FAN1: variants seen among roughly 807,000 people sequenced by gnomAD.
FAN1 encodes fanconi-associated nuclease 1.
Under a neutral mutation model 104.9 loss-of-function variants are expected in FAN1, and 91 were observed. The observed-to-expected ratio is 0.87, with a 90% CI of 0.73 to 1.03. The LOEUF is 1.03. Ranked by LOEUF, FAN1 falls within the 50% of genes least tolerant of loss-of-function variation. FAN1 has a pLI of 0.00. For missense variants in FAN1, 1,263 were observed against 1,239.9 expected (o/e 1.02, Z -0.28); for synonymous variants, 478 against 457.6 (o/e 1.04, Z -0.57).
In FAN1 at chr15:30,929,601, CAT is replaced by C. The variant is rs546821376; in HGVS notation, c.2787+207_2787+208del. 0.018 allele frequency among the ~76,000 whole-genome samples: 2,230 copies of C among 122,760 alleles called. 141 individuals are homozygous for C. Among genetic ancestry groups the C allele is most frequent in the African/African-American group, 0.07 (2,139 of 30,766 alleles). 80.5% of individuals were successfully genotyped at this position (122,760 alleles called of 152,430 possible). On this transcript the variant is annotated intron_variant, in intron 12 of 14. Coordinates refer to ENST00000362065, the MANE Select transcript of FAN1 (RefSeq NM_014967.5). ...TTATTATATTATATATTATATATTA[CAT>C]ATTACATATATAATATATATTATAT... is the stretch of plus-strand genomic sequence containing the variant.
At chr15:30,939,742 A>G (rs1411748753) in intron 14 of FAN1, 2 of 984,402 alleles carry the variant, frequency 2.0e-6, no homozygotes, top group African/African-American at 1.7e-5. Context: ...GCTAAATGAA[A>G]AAGGGAGAAT....
intron 10 of FAN1, chr15:30,928,154 G>T: frequency 9.9e-7 from 1 of 1,011,824 alleles, no homozygotes; most frequent in Non-Finnish European, 1.2e-6. Context: ...AGGGACCTCC[G>T]GCATCAGGGC....
At chr15:30,928,528 G>GTGTGTGTA in intron 10 of FAN1, 25 bp from the exon 11 acceptor site, 1 of 1,611,856 alleles carries the variant, frequency 6.2e-7, no homozygotes, top group East Asian at 2.2e-5. Flanking sequence ...GTGTGTGTGT[G>GTGTGTGTA]TGTGTGTGTG....
intron 4 of FAN1, among the ~76,000 whole-genome samples, chr15:30,912,804 A>G (rs2062126100): frequency 6.6e-6 from 1 of 152,304 alleles, no homozygotes; most frequent in Non-Finnish European, 1.5e-5. Flanking sequence ...ACTGCTGAGC[A>G]TCCTATAATT....
intron 14 of FAN1, chr15:30,941,161 CA>C (rs2063034752): frequency 7.6e-7 from 1 of 1,309,966 alleles, no homozygotes; most frequent in African/African-American, 1.5e-5. Context: ...GACTGACTAT[CA>C]GATAGCCTTC....
intron 14 of FAN1, among the ~76,000 whole-genome samples, chr15:30,937,939 T>C (rs1285556160): frequency 6.6e-6 from 1 of 150,992 alleles, no homozygotes; most frequent in African/African-American, 2.4e-5. Flanking sequence ...CCCAGCACTT[T>C]GGGAGGCTGA....
Position 30,941,625 on chromosome 15 carries a change from C to A in FAN1, c.*63C>A. ...AGAAACTCCGGTGTCCCCGAGGTGT[C>A]GGTGTGGTGAGGGCCGCTGGCGTTG... On this transcript the variant is annotated 3_prime_UTR_variant, in exon 15 of 15. Coordinates refer to ENST00000362065, the MANE Select transcript of FAN1 (RefSeq NM_014967.5). The A allele has an allele frequency of 6.2e-7, 1 of 1,605,476 alleles. No individual in the cohort carries two copies.
rs1224945439 is a variant in FAN1 at position 30,937,218 on chromosome 15, G to A, written c.3016G>A (p.Val1006Met). Residue 1006 changes from valine (V) to methionine (M), a missense_variant, in exon 14 of 15, where the codon GTG becomes ATG. Val to Met is a conservative substitution (Grantham distance 21, BLOSUM62 1). Transcript: ENST00000362065. ...GGGGGCTGAAGTAGAAGTCTGCCAT[G>A]TGGTTGCAGTTGGAGCTAAGAGCCA... ...KLGAEVEVCHVVAVGAKSQSL... is the reference protein window; with the variant it reads ...KLGAEVEVCHMVAVGAKSQSL... 10 of 1,614,038 alleles carry A rather than the reference G, an allele frequency of 6.2e-6. No homozygotes were observed. Among genetic ancestry groups the A allele is most frequent in the Admixed American group, 1.7e-5 (1 of 60,000 alleles).
chr15:30,925,696 G>A, intron 9 of FAN1, 93 bp from the exon 10 acceptor site: 1 of 1,393,170 alleles, frequency 7.2e-7, no homozygotes, highest in Non-Finnish European at 1.0e-6. Flanking sequence ...TGACTTTGTG[G>A]TAAGGGAGGT....
rs111314255 is a variant in FAN1, at chr15:30,929,325, G to A, written c.2715G>A (p.Thr905=). Residue 905 remains threonine (T), a synonymous_variant, in exon 12 of 15, where the codon ACG becomes ACA. Coordinates refer to ENST00000362065, the MANE Select transcript of FAN1 (RefSeq NM_014967.5). The part of the protein sequence containing the change: ...EESLRAWVAA[T]WHEQEGRVAS... ...GCCTGCGGGCCTGGGTGGCAGCCAC[G>A]TGGCATGAGCAGGAAGGCAGAGTGG... The A allele has an allele frequency of 9.7e-5, 157 of 1,612,248 alleles. 5 individuals carry two copies. The highest frequency in any genetic ancestry group is 7.5e-4 in the African/African-American group (56 of 74,830).
intron 14 of FAN1, chr15:30,940,628 C>T (rs2063014078): frequency 1.0e-6 from 1 of 985,806 alleles, no homozygotes; most frequent in Non-Finnish European, 1.2e-6. Flanking sequence ...CTGTCTACAG[C>T]ATACACCTCT....
rs781053508 is a variant in FAN1 at position 30,929,250 on chromosome 15, C to T, written c.2640C>T (p.Arg880=). 1.2e-6 allele frequency: 2 copies of T among 1,613,592 alleles called. No homozygotes were observed. Among genetic ancestry groups the T allele is most frequent in the South Asian group, 2.2e-5 (2 of 90,994 alleles). The change falls in exon 12 of 15, where the codon CGC becomes CGT. Residue 880 remains arginine, a synonymous_variant. Transcript: ENST00000362065. ...LCTDSFFTSR[R]PALEARLQLI... ...CAGACAGCTTCTTCACAAGCAGACG[C>T]CCAGCCCTTGAGGCCAGGCTGCAGC...
chr15:30,925,196 C>T lies in FAN1; in HGVS notation c.2242C>T (p.Gln748Ter), dbSNP rs1201533269. The change falls in exon 9 of 15, where the codon CAG (glutamine) becomes TAG (stop). Residue 748 changes from glutamine (Q) to a stop codon, truncating the protein, a stop_gained. Coordinates refer to ENST00000362065, the MANE Select transcript of FAN1 (RefSeq NM_014967.5). LOFTEE classifies it high-confidence loss of function. ...VRTGHRLSLY[Q>*]RAVRLRESPS... Reference sequence around the variant, plus strand: ...AACGGGACACCGCCTTTCACTGTATCAGCGAGCCGTGCGCCTGCGAGAGTC... The same window carrying T: ...AACGGGACACCGCCTTTCACTGTATTAGCGAGCCGTGCGCCTGCGAGAGTC... 6.2e-7 allele frequency: 1 copy of T among 1,614,070 alleles called. No individual in the cohort carries two copies.
Position 30,941,903 on chromosome 15 carries a change from C to T in FAN1, c.*341C>T. The T allele has an allele frequency of 6.2e-7, 1 of 1,613,980 alleles. No individual in the cohort carries two copies. The highest frequency in any genetic ancestry group is 8.5e-7 in the Non-Finnish European group (1 of 1,179,872). On this transcript the variant is annotated 3_prime_UTR_variant, in exon 15 of 15. Transcript: ENST00000362065. Reference sequence around the variant, plus strand: ...GTGCAGGTTGGCGGGTTTGGAAAACCATTCTCTAAAATACTGCTCCGTATC... The same window carrying T: ...GTGCAGGTTGGCGGGTTTGGAAAACTATTCTCTAAAATACTGCTCCGTATC...
chr15:30,922,437 T>C, intron 8 of FAN1, 83 bp downstream of exon 8: 2 of 1,338,046 alleles, frequency 1.5e-6, no homozygotes, highest in Non-Finnish European at 1.0e-6. Flanking sequence ...TGCCTTAAAA[T>C]TTACATGTAA....
Position 30,905,111 on chromosome 15 carries a change from ATTTG to A in FAN1, c.453_456del (p.Cys151TrpfsTer4), listed in dbSNP as rs769331146. ...GCTGAGAAATCGTAGTGTGAAAGTC[ATTTG>A]TTTGGGAAGCCTAGCATCTAAATTG... On this transcript the variant is annotated frameshift_variant, in exon 2 of 15. Coordinates refer to ENST00000362065, the MANE Select transcript of FAN1 (RefSeq NM_014967.5). LOFTEE classifies it high-confidence loss of function. 3.1e-6 allele frequency: 5 copies of A among 1,614,098 alleles called. No homozygotes were observed. Among genetic ancestry groups the A allele is most frequent in the East Asian group, 4.5e-5 (2 of 44,884 alleles).
rs1175818904 is a variant in FAN1, at chr15:30,907,987, G to T, written c.1235-131G>T. On this transcript the variant is annotated intron_variant, in intron 2 of 14. Coordinates refer to ENST00000362065, the MANE Select transcript of FAN1 (RefSeq NM_014967.5). ...AAATTTTTAAATGTACTTTCAAAAT[G>T]GTTTATTCCATAAAATGAAGGCCTT... is the stretch of plus-strand genomic sequence containing the variant. The T allele has an allele frequency of 1.7e-5, 10 of 581,004 alleles. No homozygotes were observed. The East Asian group carries it at 3.3e-4, about 19-fold the overall frequency. The allele number at this position is 581,004 out of a possible 1,614,324, so 36.0% of individuals were successfully genotyped here. A position where few individuals can be genotyped will look rare whatever the true frequency, so the allele number is the denominator to read the frequency against.
In FAN1 at chr15:30,929,613, A is replaced by G. The variant is rs1288125458; in HGVS notation, c.2787+216A>G. ...ATATTATATATTACATATTACATAT[A>G]TAATATATATTATATATTATACAAT... On this transcript the variant is annotated intron_variant, in intron 12 of 14. Transcript: ENST00000362065. Among the ~76,000 whole-genome samples the G allele has an allele frequency of 4.6e-5, 6 of 130,428 alleles. No individual in the cohort carries two copies. In the East Asian group the frequency reaches 1.2e-3, roughly 26 times the overall value. The allele number at this position is 130,428 out of a possible 152,430, so 85.6% of individuals were successfully genotyped here.
chr15:30,913,782 A>G, intron 4 of FAN1, 76 bp from the exon 5 acceptor site: 1 of 949,538 alleles, frequency 1.1e-6, no homozygotes, highest in Non-Finnish European at 1.6e-6. Context: ...TTTATTTTAG[A>G]TGAAAATAAT....
Sources: gnomAD v4.1 joint callset for allele counts (sites outside exome capture counted in the v4.1 genomes callset) on GRCh38, gnomAD v4.1.1 for gene constraint, MANE v1.5 for transcripts, NCBI Gene and HGNC (gene_info 2026-07-23, HGNC 2026-07-21) for gene names.